Variants in SEPTIN2 observed in about 807,000 individuals in gnomAD.
SEPTIN2 encodes the protein septin-2.
In SEPTIN2, 34 loss-of-function variants were observed where a neutral mutation model predicts 46.5. The ratio of observed to expected loss-of-function variants is 0.73; its 90% CI spans 0.56 to 0.97. The LOEUF is 0.97. Among genes scored for constraint, SEPTIN2 ranks in the 50% least tolerant of loss-of-function variants. The pLI, the probability that SEPTIN2 is intolerant of heterozygous loss-of-function variation, is 0.00. For synonymous variants in SEPTIN2, 175 were observed against 153.4 expected (o/e 1.14, Z -1.04); for missense variants, 347 against 448.4 (o/e 0.77, Z 2.04).
At chr2:241,349,248 A>T (rs1402308899) in intron 11 of SEPTIN2, among the ~76,000 whole-genome samples, 1 of 151,968 alleles carries the variant, frequency 6.6e-6, no homozygotes, top group African/African-American at 2.4e-5. Flanking sequence ...ATGCACCTGT[A>T]GTCCCAGCTA....
intron 1 of SEPTIN2, among the ~76,000 whole-genome samples, chr2:241,323,551 C>G (rs940829892): frequency 1.3e-5 from 2 of 152,202 alleles, no homozygotes; most frequent in African/African-American, 4.8e-5. Flanking sequence ...AGCATCACGT[C>G]TGGCCTAATT....
chr2:241,348,780 C>G (rs1361966764), intron 11 of SEPTIN2, among the ~76,000 whole-genome samples: 1 of 151,974 alleles, frequency 6.6e-6, no homozygotes, highest in African/African-American at 2.4e-5. Context: ...GTAAGTAGAT[C>G]ATAAATATGG....
At chr2:241,338,992 AAAT>A (rs201192775) in intron 7 of SEPTIN2, among the ~76,000 whole-genome samples, 3,070 of 109,618 alleles carry the variant, frequency 0.028, 305 homozygotes, top group Admixed American at 0.2. Flanking sequence ...ATATATTTAT[AAAT>A]ATATATAAAT....
At chr2:241,343,656 C>T (rs6750169) in intron 8 of SEPTIN2, 96 bp from the exon 9 acceptor site, 1,081,228 of 1,381,312 alleles carry the variant, frequency 0.78, 424,338 homozygotes, top group Admixed American at 0.87. Flanking sequence ...TTGTAGTCAA[C>T]AGCAATGTGT....
intron 7 of SEPTIN2, among the ~76,000 whole-genome samples, chr2:241,338,728 ATATAT>A (rs1351440561): frequency 5.0e-4 from 55 of 109,850 alleles, no homozygotes; most frequent in African/African-American, 1.1e-3. Context: ...AATATATTAT[ATATAT>A]TATATTATTT....
chr2:241,352,887 C>T lies in SEPTIN2; in HGVS notation c.*950C>T, dbSNP rs546879144. The T allele has an allele frequency of 6.6e-6, 1 of 152,304 alleles. No homozygotes were observed. Among genetic ancestry groups the T allele is most frequent in the African/African-American group, 2.4e-5 (1 of 41,552 alleles). 9.4% of individuals were successfully genotyped at this position (152,304 alleles called of 1,614,324 possible). On this transcript the variant is annotated 3_prime_UTR_variant, in exon 13 of 13. Transcript: ENST00000391971. ...TCAAACCTTTTTATATTTTATACTG[C>T]ACTTTAGTGTATTTTCTGTCACTGT...
intron 7 of SEPTIN2, among the ~76,000 whole-genome samples, chr2:241,342,031 T>C (rs755310364): frequency 6.6e-6 from 1 of 152,174 alleles, no homozygotes; most frequent in Non-Finnish European, 1.5e-5. Context: ...GGTCCGATTG[T>C]GGGATTTCAC....
intron 7 of SEPTIN2, among the ~76,000 whole-genome samples, chr2:241,339,868 T>G (rs570331469): frequency 1.8e-4 from 27 of 152,164 alleles, no homozygotes; most frequent in Admixed American, 1.7e-3. Flanking sequence ...CTCTAGCGTG[T>G]TTTTTGGCTT....
chr2:241,335,216 A>G lies in SEPTIN2; in HGVS notation c.217+4A>G. 6.2e-7 allele frequency: 1 copy of G among 1,611,776 alleles called. No individual in the cohort carries two copies. Among genetic ancestry groups the G allele is most frequent in the Admixed American group, 1.7e-5 (1 of 59,876 alleles). ...AGAGTCATACCTGGAGCAGCAGGTA[A>G]AAACATTCTTATGTTACTGTAAGTG... On this transcript the variant is annotated splice_donor_region_variant and intron_variant, in intron 4 of 12. Transcript: ENST00000391971.
At chr2:241,328,410 G>A (rs1251543518) in intron 3 of SEPTIN2, among the ~76,000 whole-genome samples, 11 of 151,742 alleles carry the variant, frequency 7.2e-5, no homozygotes, top group Non-Finnish European at 1.5e-4. Context: ...TTAGTCTGGC[G>A]ACAGAGCAAG....
At chr2:241,340,725 C>T (rs1010913829) in intron 7 of SEPTIN2, among the ~76,000 whole-genome samples, 2 of 152,134 alleles carry the variant, frequency 1.3e-5, no homozygotes, top group Non-Finnish European at 2.9e-5. Flanking sequence ...TGAGATGAAT[C>T]GAAATACTTC....
At chr2:241,350,626 A>G (rs1290956210) in intron 12 of SEPTIN2, among the ~76,000 whole-genome samples, 1 of 152,250 alleles carries the variant, frequency 6.6e-6, no homozygotes. Context: ...AAAAGTAGAG[A>G]TGGCACAAGG....
At chr2:241,340,895 C>G (rs1467331719) in intron 7 of SEPTIN2, among the ~76,000 whole-genome samples, 2 of 152,198 alleles carry the variant, frequency 1.3e-5, no homozygotes, top group Non-Finnish European at 2.9e-5. Context: ...TTCTTCTAGT[C>G]AGACACTTAC....
intron 10 of SEPTIN2, among the ~76,000 whole-genome samples, chr2:241,347,824 G>A (rs914501909): frequency 2.6e-5 from 4 of 152,014 alleles, no homozygotes; most frequent in Non-Finnish European, 5.9e-5. Context: ...CACCAGCCTG[G>A]CCAACGTGGC....
At chr2:241,319,533 T>C (rs1184152976) in intron 1 of SEPTIN2, among the ~76,000 whole-genome samples, 1 of 152,262 alleles carries the variant, frequency 6.6e-6, no homozygotes, top group Non-Finnish European at 1.5e-5. Context: ...TTTTCTATTG[T>C]TTAGAAAACA....
At chr2:241,317,256 T>G (rs760965245) in intron 1 of SEPTIN2, among the ~76,000 whole-genome samples, 1 of 152,234 alleles carries the variant, frequency 6.6e-6, no homozygotes, top group Non-Finnish European at 1.5e-5. Flanking sequence ...TGTACTGTTA[T>G]GTATAATCTT....
At chr2:241,331,603 C>A (rs1253837858) in intron 3 of SEPTIN2, among the ~76,000 whole-genome samples, 1 of 152,190 alleles carries the variant, frequency 6.6e-6, no homozygotes, top group Non-Finnish European at 1.5e-5. Context: ...ATTGGCCAGG[C>A]TGGTGTTAAA....
chr2:241,316,233 T>A, intron 1 of SEPTIN2: 1 of 359,896 alleles, frequency 2.8e-6, no homozygotes, highest in Non-Finnish European at 5.0e-6. Flanking sequence ...GGAGTGGGGA[T>A]TCCGGTGACC....
chr2:241,328,519 C>T (rs770889315), intron 3 of SEPTIN2, among the ~76,000 whole-genome samples: 5 of 150,924 alleles, frequency 3.3e-5, no homozygotes, highest in Non-Finnish European at 7.4e-5. Flanking sequence ...GGCAGATCAC[C>T]TGAGGTTGGG....
Sources: gnomAD v4.1 joint callset for allele counts (sites outside exome capture counted in the v4.1 genomes callset) on GRCh38, gnomAD v4.1.1 for gene constraint, MANE v1.5 for transcripts, NCBI Gene and HGNC (gene_info 2026-07-23, HGNC 2026-07-21) for gene names.